The following INIP variants were observed in gnomAD, a reference collection of about 807,000 sequenced individuals.
The protein encoded by INIP is SOSS complex subunit C.
INIP carries 9 observed loss-of-function variants against 14.0 expected under a neutral mutation model. That is an observed-to-expected ratio of 0.64 (90% confidence interval 0.39 to 1.12). The LOEUF (loss-of-function observed/expected upper bound fraction) is 1.12, where lower values mean the gene tolerates loss of function less well. Among genes scored for constraint, INIP ranks in the 50% most tolerant of loss-of-function variants. INIP has a pLI of 0.01. For missense variants in INIP, 78 were observed against 122.7 expected (o/e 0.64, Z 1.72); for synonymous variants, 37 against 41.5 (o/e 0.89, Z 0.41).
intron 3 of INIP, among the ~76,000 whole-genome samples, chr9:112,691,578 GC>G (rs1837885042): frequency 1.3e-5 from 2 of 152,226 alleles, no homozygotes; most frequent in African/African-American, 4.8e-5. Flanking sequence ...AGGCTAGGAA[GC>G]CTGGTCTAGA....
At chr9:112,715,133 TAC>T (rs58647648) in intron 2 of INIP, among the ~76,000 whole-genome samples, 23,365 of 133,132 alleles carry the variant, frequency 0.18, 1,877 homozygotes, top group African/African-American at 0.21. Context: ...CATACATACA[TAC>T]ACACACACAC....
chr9:112,706,885 A>G (rs1838489042), intron 2 of INIP, among the ~76,000 whole-genome samples: 1 of 151,886 alleles, frequency 6.6e-6, no homozygotes, highest in Non-Finnish European at 1.5e-5. Context: ...ACAAGTGTGA[A>G]CCACCAAACC....
Position 112,687,355 on chromosome 9 carries a change from C to T in INIP, c.*183G>A, listed in dbSNP as rs1837711409. ...ATCAATTCCTTGGACGATACAGCTT[C>T]CACAGCTCTCATCATCCTGGTTATT... On this transcript the variant is annotated 3_prime_UTR_variant, in exon 5 of 5. Coordinates refer to ENST00000374242, the MANE Select transcript of INIP (RefSeq NM_021218.3). The T allele has an allele frequency of 2.5e-5, 13 of 510,416 alleles. No homozygotes were observed. The highest frequency in any genetic ancestry group is 4.3e-5 in the Non-Finnish European group (12 of 280,824). The allele number at this position is 510,416 out of a possible 1,614,324, so 31.6% of individuals were successfully genotyped here.
intron 2 of INIP, among the ~76,000 whole-genome samples, chr9:112,702,522 T>C (rs945961517): frequency 2.0e-5 from 3 of 152,164 alleles, no homozygotes; most frequent in African/African-American, 4.8e-5. Context: ...AAGAGAAAAG[T>C]TGTGCAAAAC....
chr9:112,702,155 A>T (rs1838318929), intron 2 of INIP, among the ~76,000 whole-genome samples: 1 of 152,226 alleles, frequency 6.6e-6, no homozygotes, highest in Admixed American at 6.5e-5. Context: ...GTCATGAGCA[A>T]AGTAAATGGC....
chr9:112,704,710 G>A (rs1352700674), intron 2 of INIP, among the ~76,000 whole-genome samples: 4 of 151,996 alleles, frequency 2.6e-5, no homozygotes, highest in Non-Finnish European at 5.9e-5. Context: ...TTTTGGTAGT[G>A]GTAAGATTAC....
In INIP at chr9:112,686,800, A is replaced by G. The variant is rs1837687114; in HGVS notation, c.*738T>C. On this transcript the variant is annotated 3_prime_UTR_variant, in exon 5 of 5. Transcript: ENST00000374242. ...GGCATGAGGCACCGTGCCCAGCCAA[A>G]AAGTTTTCAGTTAGAACAAAAATGG... is the stretch of plus-strand genomic sequence containing the variant. 1 of 152,184 alleles carries G rather than the reference A, an allele frequency of 6.6e-6. No individual in the cohort carries two copies. Among genetic ancestry groups the G allele is most frequent in the South Asian group, 2.1e-4 (1 of 4,836 alleles). 9.4% of individuals were successfully genotyped at this position (152,184 alleles called of 1,614,324 possible).
At chr9:112,688,326 C>T (rs1439403586) in intron 4 of INIP, among the ~76,000 whole-genome samples, 1 of 151,948 alleles carries the variant, frequency 6.6e-6, no homozygotes, top group Non-Finnish European at 1.5e-5. Flanking sequence ...TCCCAAAGTA[C>T]TCTGATCTTG....
At chr9:112,689,723 A>T in intron 3 of INIP, 106 bp from the exon 4 acceptor site, 1 of 752,808 alleles carries the variant, frequency 1.3e-6, no homozygotes, top group Non-Finnish European at 2.3e-6. Context: ...GGTATCCTTG[A>T]CAAAAACTGC....
Position 112,716,525 on chromosome 9 carries a change from C to G in INIP, c.-40G>C. On this transcript the variant is annotated 5_prime_UTR_variant, in exon 2 of 5. Coordinates refer to ENST00000374242, the MANE Select transcript of INIP (RefSeq NM_021218.3). ...TCAAGTATGTCCAGTGGCAATTGGT[C>G]AGCACTTCACAATCACCTATAAAAT... The G allele has an allele frequency of 6.3e-7, 1 of 1,591,676 alleles. No homozygotes were observed. Among genetic ancestry groups the G allele is most frequent in the Non-Finnish European group, 8.6e-7 (1 of 1,159,654 alleles).
intron 2 of INIP, among the ~76,000 whole-genome samples, chr9:112,700,537 A>T (rs1291341366): frequency 3.0e-5 from 4 of 134,698 alleles, no homozygotes; most frequent in African/African-American, 1.2e-4. Context: ...ATATATATAT[A>T]TTATATATAC....
At chr9:112,704,336 T>C (rs954252062) in intron 2 of INIP, among the ~76,000 whole-genome samples, 6 of 152,188 alleles carry the variant, frequency 3.9e-5, no homozygotes, top group African/African-American at 1.4e-4. Flanking sequence ...GGAACCCTGA[T>C]TGCTCAGGAA....
intron 2 of INIP, among the ~76,000 whole-genome samples, chr9:112,709,545 A>T (rs1056525414): frequency 1.3e-5 from 2 of 152,232 alleles, no homozygotes; most frequent in African/African-American, 4.8e-5. Flanking sequence ...ACAGAAAAAT[A>T]TAAGTAAAAG....
intron 2 of INIP, among the ~76,000 whole-genome samples, chr9:112,705,457 G>A (rs573516937): frequency 2.6e-5 from 4 of 151,978 alleles, no homozygotes; most frequent in Admixed American, 2.6e-4. Context: ...CCACAGGCAT[G>A]TGCCACCATA....
In INIP at chr9:112,714,661, T is replaced by A. The variant is rs915531254; in HGVS notation, c.25+1800A>T. 2.0e-5 allele frequency among the ~76,000 whole-genome samples: 3 copies of A among 152,278 alleles called. No homozygotes were observed. The East Asian group carries it at 5.8e-4, about 29-fold the overall frequency. On this transcript the variant is annotated intron_variant, in intron 2 of 4. Transcript: ENST00000374242. ...CGAACATAGATGTCAGAAGAGGCCA[T>A]AAGGTGAATAATGTGAATACAATTT...
chr9:112,691,683 C>T (rs1441584620), intron 3 of INIP, among the ~76,000 whole-genome samples: 1 of 152,202 alleles, frequency 6.6e-6, no homozygotes, highest in Non-Finnish European at 1.5e-5. Flanking sequence ...GTTTTACATT[C>T]TCCGAGTGAG....
chr9:112,709,733 A>C (rs2900557), intron 2 of INIP, among the ~76,000 whole-genome samples: 4 of 152,216 alleles, frequency 2.6e-5, no homozygotes, highest in Non-Finnish European at 5.9e-5. Flanking sequence ...ACTAATTGGC[A>C]TGCAGCTTTC....
intron 2 of INIP, among the ~76,000 whole-genome samples, chr9:112,705,110 CAAAAAAAAAAAA>C (rs1194911436): frequency 2.2e-5 from 1 of 46,038 alleles, no homozygotes; most frequent in Non-Finnish European, 3.9e-5. Context: ...GACCCTGTCT[CAAAAAAAAAAAA>C]AAAAAAAAAA....
chr9:112,708,727 C>T (rs2131310341), intron 2 of INIP, among the ~76,000 whole-genome samples: 1 of 152,060 alleles, frequency 6.6e-6, no homozygotes, highest in Non-Finnish European at 1.5e-5. Context: ...GACAGGGTCT[C>T]ACTCTGTTGT....
Sources: gnomAD v4.1 joint callset for allele counts (sites outside exome capture counted in the v4.1 genomes callset) on GRCh38, gnomAD v4.1.1 for gene constraint, MANE v1.5 for transcripts, NCBI Gene and HGNC (gene_info 2026-07-23, HGNC 2026-07-21) for gene names.